The following SIDT2 variants were observed in gnomAD, a reference collection of about 807,000 sequenced individuals.
SIDT2 encodes the protein SID1 transmembrane family, member 2.
A neutral mutation model predicts 114.4 loss-of-function variants in SIDT2; 68 were observed. That is an observed-to-expected ratio of 0.59 (90% CI 0.49 to 0.73). SIDT2 has a LOEUF of 0.73. Among genes scored for constraint, SIDT2 ranks in the 30% least tolerant of loss-of-function variants. The pLI is 0.00. For synonymous variants in SIDT2, 470 were observed against 438.4 expected, an observed-to-expected ratio of 1.07 and a Z score of -0.90; for missense variants, 918 against 1,097.1, an observed-to-expected ratio of 0.84 and a Z score of 2.31.
chr11:117,194,068 A>G (rs2030801633), intron 24 of SIDT2, 105 bp downstream of exon 24: 3 of 867,954 alleles, frequency 3.5e-6, no homozygotes, highest in Non-Finnish European at 3.7e-6. Flanking sequence ...CACTTTGGGA[A>G]GCTGAGGCAG....
At position 117,181,815 on chromosome 11, in the gene SIDT2, G is replaced by A. The variant is rs766190699; in HGVS notation, c.314G>A (p.Arg105His). ...CCTGCTTCGGGCCATAGGTTTCAGC[G>A]CAAGTACCTCTACCAAAAAGTGGAA... is the stretch of plus-strand genomic sequence containing the variant. ...VPLILRGMFQ[R>H]KYLYQKVERT... Residue 105 changes from arginine (R) to histidine (H), a missense_variant, in exon 3 of 26, where the codon CGC becomes CAC. Arg to His is a conservative substitution (Grantham distance 29). Transcript: ENST00000324225. 1.1e-5 allele frequency: 17 copies of A among 1,614,056 alleles called. No homozygotes were observed. Among genetic ancestry groups the A allele is most frequent in the South Asian group, 1.1e-5 (1 of 91,086 alleles).
At chr11:117,191,798 C>CTGGGATTGT in intron 18 of SIDT2, 80 bp from the exon 19 acceptor site, 2 of 1,563,898 alleles carry the variant, frequency 1.3e-6, no homozygotes, top group Non-Finnish European at 1.7e-6. Flanking sequence ...CTCTCTTCCT[C>CTGGGATTGT]TGGGATTGTT....
intron 4 of SIDT2, 109 bp from the exon 5 acceptor site, chr11:117,182,410 A>C (rs1412343813): frequency 9.2e-6 from 9 of 978,120 alleles, no homozygotes; most frequent in African/African-American, 1.6e-5. Flanking sequence ...TCCACTGCCC[A>C]CCCCTCAGAG....
chr11:117,187,828 C>T (rs2030557507), intron 12 of SIDT2, 129 bp downstream of exon 12: 1 of 848,678 alleles, frequency 1.2e-6, no homozygotes, highest in Non-Finnish European at 2.0e-6. Flanking sequence ...TTCCTAACCC[C>T]TCTCTTCCCT....
intron 9 of SIDT2, 73 bp from the exon 10 acceptor site, chr11:117,186,511 A>G: frequency 7.2e-7 from 1 of 1,395,196 alleles, no homozygotes; most frequent in Non-Finnish European, 9.8e-7. Flanking sequence ...GAGAGGTAGA[A>G]GGAAAGTCAG....
chr11:117,190,579 T>TGCCTCACTTCCTCCCTCCCTTCCC lies in SIDT2; in HGVS notation c.1618-43_1618-20dup. Reference sequence around the variant, plus strand: ...TCTTTTGGGTCCCTTCTTCCCTTCCTGCCTCACTTCCTCCCTCCCTTCCCT... The same window carrying TGCCTCACTTCCTCCCTCCCTTCCC: ...TCTTTTGGGTCCCTTCTTCCCTTCCTGCCTCACTTCCTCCCTCCCTTCCCGCCTCACTTCCTCCCTCCCTTCCCT... On this transcript the variant is annotated intron_variant, in intron 17 of 25. Transcript: ENST00000324225. This position sits in a 1 kb window ranked among gnomAD's most constrained non-coding sequence, Gnocchi z 4.1. The TGCCTCACTTCCTCCCTCCCTTCCC allele has an allele frequency of 6.7e-7, 1 of 1,489,006 alleles. No individual in the cohort carries two copies. Among genetic ancestry groups the TGCCTCACTTCCTCCCTCCCTTCCC allele is most frequent in the East Asian group, 2.4e-5 (1 of 40,962 alleles). 92.2% of individuals were successfully genotyped at this position (1,489,006 alleles called of 1,614,324 possible).
In SIDT2 at chr11:117,189,171, A is replaced by G. The variant is rs377129260; in HGVS notation, c.1281A>G (p.Gln427=). ...GGCTGATTCCAGCTTCTCCCCAGCA[A>G]TACCTCTATGTGGCTGACCTGGCAC... ...DSDKNVIRTK[Q]YLYVADLARK... The change falls in exon 14 of 26, where the codon CAA becomes CAG. Residue 427 remains glutamine (Q), a splice_region_variant and synonymous_variant. Transcript: ENST00000324225. 5 of 1,614,196 alleles carry G rather than the reference A, an allele frequency of 3.1e-6. No homozygotes were observed. In the South Asian group the frequency reaches 3.3e-5, roughly 11 times the overall value.
At chr11:117,187,959 A>C in intron 12 of SIDT2, 1 of 660,762 alleles carries the variant, frequency 1.5e-6, no homozygotes, top group Non-Finnish European at 2.8e-6. Flanking sequence ...CCATGGGTAG[A>C]CCTGGGGTGG....
Position 117,196,516 on chromosome 11 carries a change from G to A in SIDT2, c.*450G>A, listed in dbSNP as rs1681546592. On this transcript the variant is annotated 3_prime_UTR_variant, in exon 26 of 26. Transcript: ENST00000324225. The surrounding 1 kb of genome is among the most constrained non-coding windows in gnomAD (Gnocchi z 4.9). ...CACTCCAGGGCCTAGTCTGGGGCCT[G>A]AATCTCTGTCCTGTATCAGGGCCCC... 5.1e-6 allele frequency: 1 copy of A among 197,420 alleles called. No homozygotes were observed. The highest frequency in any genetic ancestry group is 2.3e-5 in the African/African-American group (1 of 42,830). 12.2% of individuals were successfully genotyped at this position (197,420 alleles called of 1,614,324 possible).
rs939897700 is a variant in SIDT2 at position 117,191,049 on chromosome 11, A to C, written c.1735+309A>C. 6 of 203,314 alleles carry C rather than the reference A, an allele frequency of 3.0e-5. No homozygotes were observed. The East Asian group carries it at 7.3e-4, about 25-fold the overall frequency. The allele number at this position is 203,314 out of a possible 1,614,324, so 12.6% of individuals were successfully genotyped here. A position where few individuals can be genotyped will look rare whatever the true frequency, so the allele number is the denominator to read the frequency against. Reference sequence around the variant, plus strand: ...TCCCAGCACTTTGGGAGGCCGAGGCAGATGGATCACGAGGTCAGGAGCTCC... The same window carrying C: ...TCCCAGCACTTTGGGAGGCCGAGGCCGATGGATCACGAGGTCAGGAGCTCC... On this transcript the variant is annotated intron_variant, in intron 18 of 25. Transcript: ENST00000324225.
intron 4 of SIDT2, 184 bp downstream of exon 4, chr11:117,182,289 A>G (rs1206968973): frequency 1.6e-5 from 12 of 762,572 alleles, no homozygotes; most frequent in Non-Finnish European, 2.3e-5. Context: ...GTACAGAGAC[A>G]TGGAGTCTGG....
intron 4 of SIDT2, 27 bp from the exon 5 acceptor site, chr11:117,182,492 G>A (rs374941592): frequency 3.1e-6 from 5 of 1,593,378 alleles, no homozygotes; most frequent in Non-Finnish European, 4.3e-6. Context: ...ATGAGATGGG[G>A]CTCTCCCTTC....
chr11:117,184,766 C>A (rs2030428187), intron 8 of SIDT2, among the ~76,000 whole-genome samples: 1 of 152,132 alleles, frequency 6.6e-6, no homozygotes, highest in Non-Finnish European at 1.5e-5. Context: ...TGCTCTGTCA[C>A]CCAGGCTGTA....
Position 117,181,840 on chromosome 11 carries a change from A to G in SIDT2, c.339A>G (p.Glu113=). 1.2e-6 allele frequency: 2 copies of G among 1,614,170 alleles called. No individual in the cohort carries two copies. Among genetic ancestry groups the G allele is most frequent in the South Asian group, 1.1e-5 (1 of 91,080 alleles). Reference sequence around the variant, plus strand: ...GCAAGTACCTCTACCAAAAAGTGGAACGAACCCTGTGTCAGCCCCCCACCA... The same window carrying G: ...GCAAGTACCTCTACCAAAAAGTGGAGCGAACCCTGTGTCAGCCCCCCACCA... The part of the protein sequence containing the change: ...FQRKYLYQKV[E]RTLCQPPTKN... The change falls in exon 3 of 26, where the codon GAA becomes GAG. Residue 113 remains glutamate, a synonymous_variant. Coordinates refer to ENST00000324225, the MANE Select transcript of SIDT2 (RefSeq NM_001040455.2).
chr11:117,179,913 T>C (rs189164294), intron 1 of SIDT2: 95 of 153,428 alleles, frequency 6.2e-4, no homozygotes, highest in Non-Finnish European at 1.2e-3. Flanking sequence ...CCAGCCCTCT[T>C]CCTGCCTGGG....
Position 117,183,871 on chromosome 11 carries a change from C to T in SIDT2, c.795C>T (p.Phe265=), listed in dbSNP as rs771928199. The T allele has an allele frequency of 1.8e-5, 29 of 1,612,494 alleles. No homozygotes were observed. Among genetic ancestry groups the T allele is most frequent in the South Asian group, 5.5e-5 (5 of 91,052 alleles). ...ACGGSLPFYP[F]AEDEPVDQGH... ...GGGGCTCCCTGCCTTTCTACCCCTT[C>T]GCAGAAGGTACATTTTGTGCCCTGG... Residue 265 remains phenylalanine (F), a synonymous_variant, in exon 7 of 26, where the codon TTC becomes TTT. Transcript: ENST00000324225.
At position 117,181,755 on chromosome 11, in the gene SIDT2, G is replaced by C; in HGVS notation, c.306-52G>C. ...GGTGGGGCCTCGCTCCTCTGGAGGG[G>C]CAGGCCGGCTGGGACAGTGCTCACA... On this transcript the variant is annotated intron_variant, in intron 2 of 25. Coordinates refer to ENST00000324225, the MANE Select transcript of SIDT2 (RefSeq NM_001040455.2). 15 of 1,611,418 alleles carry C rather than the reference G, an allele frequency of 9.3e-6. No homozygotes were observed. In the South Asian group the frequency reaches 1.6e-4, roughly 18 times the overall value.
chr11:117,181,555 A>G lies in SIDT2; in HGVS notation c.305+18A>G, dbSNP rs1209092413. On this transcript the variant is annotated intron_variant, in intron 2 of 25. Transcript: ENST00000324225. Reference sequence around the variant, plus strand: ...CGAGGGATGTGAGTAGGATCTGGGCATCAGGGAAGCGGGGCAGCCTAGGCC... The same window carrying G: ...CGAGGGATGTGAGTAGGATCTGGGCGTCAGGGAAGCGGGGCAGCCTAGGCC... The G allele has an allele frequency of 1.2e-6, 2 of 1,613,878 alleles. No individual in the cohort carries two copies. The highest frequency in any genetic ancestry group is 1.7e-5 in the Admixed American group (1 of 59,998).
chr11:117,179,415 A>G lies in SIDT2; in HGVS notation c.152A>G (p.Tyr51Cys). 1.2e-6 allele frequency: 2 copies of G among 1,613,928 alleles called. No homozygotes were observed. Among genetic ancestry groups the G allele is most frequent in the Non-Finnish European group, 1.7e-6 (2 of 1,180,000 alleles). Reference protein sequence around the residue: ...DEVNSELVNIYTFNHTVTRNR... With the variant: ...DEVNSELVNICTFNHTVTRNR... ...GTCAACAGCGAGCTGGTCAACATCT[A>G]CACCTTCAACCATACTGTGACCCGC... The change falls in exon 1 of 26, where the codon TAC (tyrosine) becomes TGC (cysteine). Residue 51 changes from tyrosine to cysteine, a missense_variant. Tyr to Cys is a radical substitution (Grantham distance 194, BLOSUM62 -2). Around this residue, in one of 4 missense-constraint regions of SIDT2, gnomAD observed 553 missense variants for 600.1 expected, o/e 0.92. Coordinates refer to ENST00000324225, the MANE Select transcript of SIDT2 (RefSeq NM_001040455.2).
Sources: allele counts gnomAD v4.1 joint callset (sites outside exome capture counted in the v4.1 genomes callset), GRCh38; gene constraint gnomAD v4.1.1; regional missense constraint gnomAD v4.1.1; non-coding constraint Gnocchi (gnomAD v3.1); transcripts MANE v1.5; gene names NCBI Gene and HGNC (gene_info 2026-07-23, HGNC 2026-07-21).